FLNB: variants seen among roughly 807,000 people sequenced by gnomAD.
FLNB encodes the protein filamin B, also known as filamin-B.
Under a neutral mutation model 250.6 loss-of-function variants are expected in FLNB, and 111 were observed. That is an observed-to-expected ratio of 0.44 (90% confidence interval 0.38 to 0.52). FLNB has a LOEUF of 0.52. Ranked by LOEUF, FLNB falls within the 20% of genes least tolerant of loss-of-function variation. The pLI, the probability that FLNB is intolerant of heterozygous loss-of-function variation, is 0.00. For missense variants in FLNB, 2,869 were observed against 3,447.8 expected (o/e 0.83, Z 4.20); for synonymous variants, 1,302 against 1,372.1 (o/e 0.95, Z 1.13).
chr3:58,166,924 A>G (rs2097371647), intron 43 of FLNB, among the ~76,000 whole-genome samples: 1 of 152,100 alleles, frequency 6.6e-6, no homozygotes, highest in Non-Finnish European at 1.5e-5. Context: ...TCAGGAGCTC[A>G]AGACCAGCCT....
chr3:58,088,172 C>T (rs746941423), intron 4 of FLNB, among the ~76,000 whole-genome samples: 16 of 151,596 alleles, frequency 1.1e-4, no homozygotes, highest in Non-Finnish European at 2.4e-4. Flanking sequence ...CTCAGCCTCC[C>T]GAGTAGCTGA....
intron 33 of FLNB, 131 bp from the exon 34 acceptor site, chr3:58,146,689 A>T: frequency 2.2e-6 from 2 of 905,280 alleles, no homozygotes; most frequent in Non-Finnish European, 3.6e-6. Flanking sequence ...CCCTTTGCCC[A>T]CAGCTCACGT....
At chr3:58,080,492 CTATTTT>C (rs1235406157) in intron 3 of FLNB, among the ~76,000 whole-genome samples, 1 of 139,090 alleles carries the variant, frequency 7.2e-6, no homozygotes, top group Non-Finnish European at 1.5e-5. Flanking sequence ...CACCCATTCC[CTATTTT>C]TTTTTTTTTT....
intron 1 of FLNB, among the ~76,000 whole-genome samples, chr3:58,062,160 A>G (rs1334264325): frequency 1.3e-5 from 2 of 152,194 alleles, no homozygotes; most frequent in African/African-American, 2.4e-5. Context: ...ATCTTCCACC[A>G]TCAGCTTCTT....
At chr3:58,127,221 G>A (rs144958555) in intron 24 of FLNB, among the ~76,000 whole-genome samples, 1 of 152,166 alleles carries the variant, frequency 6.6e-6, no homozygotes, top group Non-Finnish European at 1.5e-5. Context: ...TATGTGGGGT[G>A]GGGGCTGTGA....
At chr3:58,042,577 C>T (rs546729183) in intron 1 of FLNB, among the ~76,000 whole-genome samples, 127 of 152,090 alleles carry the variant, frequency 8.4e-4, no homozygotes, top group African/African-American at 2.9e-3. Flanking sequence ...TGCAGTAGCA[C>T]GATCATGGCT....
chr3:58,071,855 G>A (rs17058801), intron 1 of FLNB, among the ~76,000 whole-genome samples: 2,760 of 152,254 alleles, frequency 0.018, 88 homozygotes, highest in African/African-American at 0.063. Flanking sequence ...CCCTCCTGAT[G>A]TGAGTAGAGA....
At chr3:58,038,520 C>T (rs2097141380) in intron 1 of FLNB, among the ~76,000 whole-genome samples, 1 of 151,290 alleles carries the variant, frequency 6.6e-6, no homozygotes. Flanking sequence ...AATTGCTGGG[C>T]TCAAGCAATC....
At chr3:58,078,934 T>A (rs2106952847) in intron 3 of FLNB, 120 bp downstream of exon 3, 30 of 706,068 alleles carry the variant, frequency 4.2e-5, no homozygotes, top group South Asian at 4.1e-4. Context: ...GAGCATTGCC[T>A]GTGATGCTCT....
chr3:58,031,543 C>CTTTTT (rs764190111), intron 1 of FLNB, among the ~76,000 whole-genome samples: 18 of 77,152 alleles, frequency 2.3e-4, no homozygotes, highest in Admixed American at 8.0e-4. Flanking sequence ...CGTGCCCTGC[C>CTTTTT]TTTTTTTTTT....
intron 8 of FLNB, among the ~76,000 whole-genome samples, chr3:58,100,529 G>A (rs2097248921): frequency 6.7e-6 from 1 of 149,292 alleles, no homozygotes; most frequent in South Asian, 2.1e-4. Flanking sequence ...AGCTAAGACT[G>A]TAGATGTGCG....
intron 9 of FLNB, 82 bp from the exon 10 acceptor site, chr3:58,103,877 G>A: frequency 1.9e-6 from 3 of 1,552,352 alleles, no homozygotes; most frequent in Non-Finnish European, 2.7e-6. Context: ...GTTCAGTGTG[G>A]CTGCCTCTCT....
chr3:58,060,769 C>CAAAAA (rs71091334), intron 1 of FLNB, among the ~76,000 whole-genome samples: 84 of 64,210 alleles, frequency 1.3e-3, no homozygotes, highest in Non-Finnish European at 1.8e-3. Flanking sequence ...GACCTTGTCT[C>CAAAAA]AAAAAAAAAA....
intron 1 of FLNB, among the ~76,000 whole-genome samples, chr3:58,076,684 C>A (rs1424922460): frequency 6.6e-6 from 1 of 151,134 alleles, no homozygotes; most frequent in African/African-American, 2.4e-5. Context: ...GTCTTGAACT[C>A]CTAAGCTCAA....
chr3:58,089,109 A>G (rs554706468), intron 4 of FLNB, among the ~76,000 whole-genome samples: 1 of 150,986 alleles, frequency 6.6e-6, no homozygotes, highest in Admixed American at 6.6e-5. Context: ...TCCAGTTTCA[A>G]AAAAAAAAAG....
In FLNB at chr3:58,163,104, G is replaced by A. The variant is rs772899815; in HGVS notation, c.7022-50G>A. On this transcript the variant is annotated intron_variant, in intron 42 of 45. Coordinates refer to ENST00000295956, the MANE Select transcript of FLNB (RefSeq NM_001457.4). ...CCATCCTTTATCCTCACTGAACTCA[G>A]GGGTGTCCATTTGCTTGATTTCACC... 3.8e-6 allele frequency: 6 copies of A among 1,576,756 alleles called. No individual in the cohort carries two copies. In the African/African-American group the frequency reaches 8.1e-5, roughly 21 times the overall value.
intron 9 of FLNB, among the ~76,000 whole-genome samples, chr3:58,103,445 C>T (rs1208592464): frequency 1.3e-5 from 2 of 152,196 alleles, no homozygotes; most frequent in Non-Finnish European, 2.9e-5. Context: ...GAGTTTGCAG[C>T]GTCACATCTA....
At chr3:58,049,001 C>G (rs1030810603) in intron 1 of FLNB, among the ~76,000 whole-genome samples, 2 of 152,182 alleles carry the variant, frequency 1.3e-5, no homozygotes, top group Non-Finnish European at 2.9e-5. Flanking sequence ...GGGCTGGAGA[C>G]TCACCTGTGT....
chr3:58,059,785 G>A (rs964694493), intron 1 of FLNB, among the ~76,000 whole-genome samples: 16 of 152,158 alleles, frequency 1.1e-4, no homozygotes, highest in African/African-American at 3.9e-4. Context: ...TCTTTTAGGA[G>A]GATGATGTAA....
Sources: gnomAD v4.1 joint callset for allele counts (sites outside exome capture counted in the v4.1 genomes callset) on GRCh38, gnomAD v4.1.1 for gene constraint, MANE v1.5 for transcripts, NCBI Gene and HGNC (gene_info 2026-07-23, HGNC 2026-07-21) for gene names.